Variants in TENM2 observed in about 807,000 individuals in gnomAD.
The protein encoded by TENM2 is teneurin-2.
In TENM2, 52 loss-of-function variants were observed where a neutral mutation model predicts 245.2. The observed-to-expected ratio is 0.21, with a 90% confidence interval of 0.17 to 0.27. The LOEUF (loss-of-function observed/expected upper bound fraction) is 0.27. Among genes scored for constraint, TENM2 ranks in the 10% least tolerant of loss-of-function variants. TENM2 has a pLI of 1.00. For synonymous variants in TENM2, 1,363 were observed against 1,438.9 expected (o/e 0.95, Z 1.19); for missense variants, 3,046 against 3,666.8 (o/e 0.83, Z 4.37).
At chr5:167,773,489 A>G (rs1366932591) in intron 2 of TENM2, among the ~76,000 whole-genome samples, 1 of 152,180 alleles carries the variant, frequency 6.6e-6, no homozygotes, top group African/African-American at 2.4e-5. Flanking sequence ...TCAACTTCAT[A>G]GATATTTTCT....
chr5:168,137,625 A>G (rs1247354049), intron 12 of TENM2, among the ~76,000 whole-genome samples: 1 of 152,328 alleles, frequency 6.6e-6, no homozygotes, highest in Non-Finnish European at 1.5e-5. Flanking sequence ...TTGTTTCCCT[A>G]TATTAGGTGT....
intron 2 of TENM2, among the ~76,000 whole-genome samples, chr5:167,638,660 C>T (rs1779368886): frequency 6.6e-6 from 1 of 152,082 alleles, no homozygotes; most frequent in Non-Finnish European, 1.5e-5. Context: ...TCAATTTAGC[C>T]ACGAATTGCT....
At chr5:167,922,127 T>C (rs1343536651) in intron 3 of TENM2, among the ~76,000 whole-genome samples, 1 of 152,210 alleles carries the variant, frequency 6.6e-6, no homozygotes, top group Admixed American at 6.5e-5. Flanking sequence ...AAATGGTCTT[T>C]TAGGTTCTAC....
chr5:167,234,415 A>AT, the TENM2 span, among the ~76,000 whole-genome samples: 5 of 152,138 alleles, frequency 3.3e-5, no homozygotes, highest in African/African-American at 9.7e-5. Flanking sequence ...CAATTGAGGC[A>AT]TTTTTTGGTC....
At chr5:167,600,521 T>C (rs1021743578) in intron 2 of TENM2, among the ~76,000 whole-genome samples, 6 of 152,174 alleles carry the variant, frequency 3.9e-5, no homozygotes, top group African/African-American at 1.4e-4. Context: ...AGTCTGCAGA[T>C]TTTACCTTAT....
intron 2 of TENM2, among the ~76,000 whole-genome samples, chr5:167,872,504 G>A (rs796700215): frequency 1.5e-4 from 2 of 13,222 alleles, no homozygotes; most frequent in Non-Finnish European, 6.0e-4. Flanking sequence ...AAGAAAGAAA[G>A]AAAGAAAGAA....
At chr5:167,098,057 T>C in the TENM2 span, among the ~76,000 whole-genome samples, 1 of 152,210 alleles carries the variant, frequency 6.6e-6, no homozygotes, top group Non-Finnish European at 1.5e-5. Context: ...TGCATTTCTA[T>C]ACCAAGCAAT....
chr5:167,564,041 A>C (rs1773753753), intron 2 of TENM2, among the ~76,000 whole-genome samples: 1 of 152,208 alleles, frequency 6.6e-6, no homozygotes, highest in African/African-American at 2.4e-5. Context: ...CATTGTTCTA[A>C]GTGTGGGGAC....
chr5:167,464,209 A>T (rs577303896), intron 2 of TENM2, among the ~76,000 whole-genome samples: 2 of 152,298 alleles, frequency 1.3e-5, no homozygotes, highest in African/African-American at 4.8e-5. Context: ...TCTAGCCCTG[A>T]GGAAAAGTTT....
the TENM2 span, among the ~76,000 whole-genome samples, chr5:167,044,575 A>G: frequency 6.6e-6 from 1 of 152,180 alleles, no homozygotes; most frequent in African/African-American, 2.4e-5. Context: ...CTGAGATCAC[A>G]TAGAGAGTTA....
At chr5:167,161,242 A>T in the TENM2 span, among the ~76,000 whole-genome samples, 1,129 of 152,306 alleles carry the variant, frequency 7.4e-3, 15 homozygotes, top group African/African-American at 0.025. Context: ...CTTTTTTTGC[A>T]TGAAAATAAT....
intron 25 of TENM2, chr5:168,231,072 A>G (rs908843368): frequency 6.6e-6 from 1 of 152,254 alleles, no homozygotes; most frequent in African/African-American, 2.4e-5. Flanking sequence ...GCAAGGGAAG[A>G]GAGTTTGGGT....
At position 167,445,330 on chromosome 5, in the gene TENM2, T is replaced by TAG. The variant is rs1275688569; in HGVS notation, c.502+69858_502+69859insGA. Among the ~76,000 whole-genome samples, 29 of 49,256 alleles carry TAG rather than the reference T, an allele frequency of 5.9e-4. 1 individual carries two copies. The highest frequency in any genetic ancestry group is 2.5e-3 in the East Asian group (5 of 2,010). The allele number at this position is 49,256 out of a possible 152,430, so 32.3% of individuals were successfully genotyped here. On this transcript the variant is annotated intron_variant, in intron 2 of 28. Transcript: ENST00000518659. Reference sequence around the variant, plus strand: ...ATATGATTATATATATATATATATATATATATAGAGAGAGAGAGAGAGAGA... The same window carrying TAG: ...ATATGATTATATATATATATATATATAGATATATAGAGAGAGAGAGAGAGAGA...
chr5:167,435,489 C>A (rs939961379), intron 2 of TENM2, among the ~76,000 whole-genome samples: 4 of 152,166 alleles, frequency 2.6e-5, no homozygotes, highest in African/African-American at 9.7e-5. Context: ...GGCTCCCCAG[C>A]AGTGTGGAAC....
the TENM2 span, chr5:167,168,271 CTT>C: frequency 1.3e-5 from 2 of 152,228 alleles, no homozygotes; most frequent in African/African-American, 4.8e-5. Flanking sequence ...TCAAACGTCT[CTT>C]AATGCACAAA....
rs549098339 is a variant in TENM2, at chr5:167,989,310, T to C, written c.948-3634T>C. 1.0e-4 allele frequency among the ~76,000 whole-genome samples: 15 copies of C among 150,028 alleles called. No homozygotes were observed. The East Asian group carries it at 2.9e-3, about 29-fold the overall frequency. On this transcript the variant is annotated intron_variant, in intron 4 of 28. Coordinates refer to ENST00000518659, the Ensembl canonical transcript of TENM2. ...AGAGAGAGAGAGAGAGATAGATAGA[T>C]TTGTGAGTGCACAAAATGAAGGGGG...
At chr5:167,268,808 G>A in the TENM2 span, among the ~76,000 whole-genome samples, 3 of 151,932 alleles carry the variant, frequency 2.0e-5, no homozygotes, top group African/African-American at 7.2e-5. Flanking sequence ...GATCTTTACA[G>A]AAGATGTTTG....
chr5:167,845,980 G>A (rs13361359), intron 2 of TENM2, among the ~76,000 whole-genome samples: 7,792 of 152,110 alleles, frequency 0.051, 653 homozygotes, highest in African/African-American at 0.17. Flanking sequence ...GCTGCTTCCA[G>A]CCTCATCCTT....
At chr5:168,154,531 T>C (rs923761674) in intron 12 of TENM2, among the ~76,000 whole-genome samples, 1 of 152,180 alleles carries the variant, frequency 6.6e-6, no homozygotes, top group Non-Finnish European at 1.5e-5. Flanking sequence ...GGCCCCTTTC[T>C]CCTCTTTATT....
Sources: allele counts gnomAD v4.1 joint callset (sites outside exome capture counted in the v4.1 genomes callset), GRCh38; gene constraint gnomAD v4.1.1; transcripts MANE v1.5; gene names NCBI Gene and HGNC (gene_info 2026-07-23, HGNC 2026-07-21).